CARF: variants seen among roughly 807,000 people sequenced by gnomAD.
CARF encodes the protein calcium responsive transcription factor.
A neutral mutation model predicts 82.0 loss-of-function variants in CARF; 57 were observed. That is an observed-to-expected ratio of 0.70 (90% CI 0.56 to 0.87). The LOEUF is 0.87. Among genes scored for constraint, CARF ranks in the 40% least tolerant of loss-of-function variants. CARF has a pLI of 0.00. For missense variants in CARF, 771 were observed against 855.8 expected (o/e 0.90, Z 1.24); for synonymous variants, 268 against 290.1 (o/e 0.92, Z 0.77).
intron 3 of CARF, chr2:202,925,605 C>A (rs1174469268): frequency 4.9e-5 from 12 of 247,322 alleles, no homozygotes; most frequent in Admixed American, 2.0e-4. Flanking sequence ...TTGCTTCAGG[C>A]TGAGAATGAG....
At chr2:202,938,293 C>A (rs1452064026) in intron 3 of CARF, 1 of 152,096 alleles carries the variant, frequency 6.6e-6, no homozygotes, top group African/African-American at 2.4e-5. Flanking sequence ...TGCCCTGTTG[C>A]CCAGGCTAGA....
chr2:202,937,394 TTTGC>T (rs1469996314), intron 3 of CARF, among the ~76,000 whole-genome samples: 2 of 152,050 alleles, frequency 1.3e-5, no homozygotes, highest in African/African-American at 4.8e-5. Flanking sequence ...TTGTAATTTG[TTTGC>T]TTGCCATTTT....
chr2:202,977,489 A>G (rs2060082986), intron 14 of CARF, among the ~76,000 whole-genome samples, 157 bp downstream of exon 14: 1 of 152,220 alleles, frequency 6.6e-6, no homozygotes, highest in Non-Finnish European at 1.5e-5. Context: ...CATACTTCCT[A>G]CTATTTTAAT....
At chr2:202,925,141 A>G in intron 3 of CARF, 1 of 355,454 alleles carries the variant, frequency 2.8e-6, no homozygotes, top group South Asian at 2.4e-5. Context: ...ACTTGGCAAC[A>G]TGGAGAGACC....
chr2:202,945,747 T>C (rs1375002797), intron 5 of CARF, among the ~76,000 whole-genome samples: 1 of 152,194 alleles, frequency 6.6e-6, no homozygotes, highest in African/African-American at 2.4e-5. Context: ...TTATTTGCTA[T>C]TGTGAGTAGG....
At position 202,974,348 on chromosome 2, in the gene CARF, G is replaced by A; in HGVS notation, c.1346G>A (p.Arg449Lys). The change falls in exon 13 of 17, where the codon AGG (arginine) becomes AAG (lysine). Residue 449 changes from arginine (R) to lysine (K), a missense_variant. Transcript: ENST00000438828. Reference sequence around the variant, plus strand: ...ATTCTTTACAGAAAATTTGTGGAAAGGGAACTGTTCAAACCCGATGAGGTA... The same window carrying A: ...ATTCTTTACAGAAAATTTGTGGAAAAGGAACTGTTCAAACCCGATGAGGTA... The part of the protein sequence containing the change: ...VRKQLRKFVE[R>K]ELFKPDEVPE... 6.3e-7 allele frequency: 1 copy of A among 1,582,792 alleles called. No homozygotes were observed. The highest frequency in any genetic ancestry group is 8.5e-7 in the Non-Finnish European group (1 of 1,171,864).
intron 10 of CARF, among the ~76,000 whole-genome samples, chr2:202,968,776 C>A (rs760140958): frequency 6.6e-6 from 1 of 151,784 alleles, no homozygotes; most frequent in East Asian, 1.9e-4. Context: ...TCCCAGGGAA[C>A]GGATCAGGAA....
Position 202,967,086 on chromosome 2 carries a change from C to G in CARF, c.941C>G (p.Thr314Ser). ...ESRSCQLYKA[T>S]CPARIYIKKV... ...AGGTCTTGTCAGCTCTACAAAGCCA[C>G]TTGTCCAGCTCGGTAAGCTTTATTT... The change falls in exon 10 of 17, where the codon ACT becomes AGT. Residue 314 changes from threonine to serine, a missense_variant. Physicochemically the swap from Thr to Ser is moderately conservative, Grantham distance 58. Transcript: ENST00000438828. 1 of 1,613,872 alleles carries G rather than the reference C, an allele frequency of 6.2e-7. No homozygotes were observed. Among genetic ancestry groups the G allele is most frequent in the Admixed American group, 1.7e-5 (1 of 59,964 alleles).
chr2:202,956,253 G>GTAGT (rs2059036444), intron 8 of CARF, among the ~76,000 whole-genome samples: 1 of 151,562 alleles, frequency 6.6e-6, no homozygotes, highest in South Asian at 2.1e-4. Flanking sequence ...ATGTATTTAT[G>GTAGT]TATTTATTTA....
rs771043074 is a variant in CARF, at chr2:202,942,809, A to C, written c.148A>C (p.Thr50Pro). The change falls in exon 5 of 17, where the codon ACT becomes CCT. Residue 50 changes from threonine (T) to proline (P), a missense_variant. Physicochemically the swap from Thr to Pro is conservative, Grantham distance 38. Transcript: ENST00000438828. ...QNDSPTVLPITTREANNSLIS... is the reference protein window; with the variant it reads ...QNDSPTVLPIPTREANNSLIS... Reference sequence around the variant, plus strand: ...TGATTCTCCTACAGTTTTGCCCATCACTACTCGTGAAGCAAATAATTCACT... The same window carrying C: ...TGATTCTCCTACAGTTTTGCCCATCCCTACTCGTGAAGCAAATAATTCACT... The C allele has an allele frequency of 6.2e-7, 1 of 1,613,920 alleles. No homozygotes were observed. The highest frequency in any genetic ancestry group is 1.3e-5 in the African/African-American group (1 of 74,870).
In CARF at chr2:202,982,308, A is replaced by G; in HGVS notation, c.1926A>G (p.Leu642=). The change falls in exon 16 of 17, where the codon CTA becomes CTG. Residue 642 remains leucine, a synonymous_variant. Coordinates refer to ENST00000438828, the MANE Select transcript of CARF (RefSeq NM_024744.17). ...MGNLPEPDQN[L]VAMDELVEVG... The stretch of plus-strand genomic sequence containing the variant: ...ACCTTCCAGAACCAGATCAAAATCT[A>G]GTTGCAATGGACGAGCTGGTAGAAG... 1 of 1,614,166 alleles carries G rather than the reference A, an allele frequency of 6.2e-7. No individual in the cohort carries two copies. Among genetic ancestry groups the G allele is most frequent in the Non-Finnish European group, 8.5e-7 (1 of 1,180,002 alleles).
chr2:202,943,592 A>G (rs2105809148), intron 5 of CARF, among the ~76,000 whole-genome samples: 1 of 135,170 alleles, frequency 7.4e-6, no homozygotes, highest in African/African-American at 2.9e-5. Flanking sequence ...GAATGTACAC[A>G]CACACACACA....
intron 5 of CARF, among the ~76,000 whole-genome samples, chr2:202,945,757 G>C (rs184565973): frequency 3.4e-4 from 52 of 152,098 alleles, no homozygotes; most frequent in South Asian, 2.1e-4. Context: ...TTGTGAGTAG[G>C]GCATTAATGA....
chr2:202,983,613 T>C lies in CARF; in HGVS notation c.2167T>C (p.Ser723Pro). 6.3e-7 allele frequency: 1 copy of C among 1,579,794 alleles called. No homozygotes were observed. The highest frequency in any genetic ancestry group is 8.7e-7 in the Non-Finnish European group (1 of 1,152,628). Residue 723 changes from serine (S) to proline (P), a missense_variant, in exon 17 of 17, where the codon TCT becomes CCT. Coordinates refer to ENST00000438828, the MANE Select transcript of CARF (RefSeq NM_024744.17). ...AKKTVDYKKL[S>P]AT ...AAAAACTGTGGACTATAAGAAATTA[T>C]CTGCTACATAAATTATTGAAGCTTT...
intron 3 of CARF, among the ~76,000 whole-genome samples, chr2:202,931,701 A>G (rs1323575470): frequency 6.6e-6 from 1 of 151,516 alleles, no homozygotes; most frequent in Non-Finnish European, 1.5e-5. Context: ...GTTTCCATGC[A>G]GCTTCTTCAG....
chr2:202,981,985 A>AT, intron 15 of CARF, 87 bp from the exon 16 acceptor site: 3 of 1,389,686 alleles, frequency 2.2e-6, no homozygotes, highest in East Asian at 2.3e-5. Flanking sequence ...ATTTGTTCGG[A>AT]TTTTTTGTCA....
chr2:202,976,145 C>T (rs1305595331), intron 13 of CARF, among the ~76,000 whole-genome samples: 1 of 152,044 alleles, frequency 6.6e-6, no homozygotes, highest in Non-Finnish European at 1.5e-5. Context: ...AATGTTGGTT[C>T]CATATGCCAT....
intron 11 of CARF, among the ~76,000 whole-genome samples, chr2:202,970,649 CTT>C (rs1427144096): frequency 2.6e-5 from 4 of 151,886 alleles, no homozygotes; most frequent in African/African-American, 9.7e-5. Flanking sequence ...TTAAAAAAAA[CTT>C]TTAGGTATGT....
At chr2:202,949,320 G>A (rs2058646946) in intron 5 of CARF, among the ~76,000 whole-genome samples, 2 of 147,538 alleles carry the variant, frequency 1.4e-5, no homozygotes, top group African/African-American at 2.5e-5. Flanking sequence ...TCCAGCCTGG[G>A]CAACAGAGCA....
Sources: allele counts gnomAD v4.1 joint callset (sites outside exome capture counted in the v4.1 genomes callset), GRCh38; gene constraint gnomAD v4.1.1; transcripts MANE v1.5; gene names NCBI Gene and HGNC (gene_info 2026-07-23, HGNC 2026-07-21).